Variants in SH3BP1 observed in about 807,000 individuals in gnomAD.
SH3BP1 encodes SH3 domain-binding protein 1.
A neutral mutation model predicts 69.8 loss-of-function variants in SH3BP1; 46 were observed. The observed-to-expected ratio is 0.66, with a 90% CI of 0.52 to 0.84. SH3BP1 has a LOEUF of 0.84. SH3BP1 is among the 40% of genes least tolerant of loss of function. The pLI is 0.00. For missense variants in SH3BP1, 868 were observed against 930.9 expected (o/e 0.93, Z 0.88); for synonymous variants, 403 against 378.0 (o/e 1.07, Z -0.77).
At chr22:37,642,182 C>T (rs1019428868) in intron 3 of SH3BP1, 5 of 313,028 alleles carry the variant, frequency 1.6e-5, no homozygotes, top group African/African-American at 1.1e-4. Flanking sequence ...GCCATATATA[C>T]CCTGGGACAG....
At chr22:37,652,509 G>A (rs1932900719) in intron 16 of SH3BP1, among the ~76,000 whole-genome samples, 1 of 151,824 alleles carries the variant, frequency 6.6e-6, no homozygotes, top group South Asian at 2.1e-4. Flanking sequence ...CTCAGCCTGG[G>A]CAACAGAGTG....
At position 37,639,733 on chromosome 22, in the gene SH3BP1, C is replaced by T. The variant is rs1160782619; in HGVS notation, c.-55C>T. 6 of 1,170,430 alleles carry T rather than the reference C, an allele frequency of 5.1e-6. No individual in the cohort carries two copies. Among genetic ancestry groups the T allele is most frequent in the Non-Finnish European group, 3.5e-6 (3 of 852,076 alleles). The allele number at this position is 1,170,430 out of a possible 1,614,324, so 72.5% of individuals were successfully genotyped here. ...CAGGAGAGGCAGGCTGGACCGGGGG[C>T]TCCCCGGGCCCGCGACCCCCGCCGT... is the stretch of plus-strand genomic sequence containing the variant. On this transcript the variant is annotated 5_prime_UTR_variant, in exon 1 of 18. Transcript: ENST00000649765.
At chr22:37,646,964 G>C (rs202048293) in intron 11 of SH3BP1, 35 bp downstream of exon 11, 297 of 1,395,318 alleles carry the variant, frequency 2.1e-4, no homozygotes, top group East Asian at 1.1e-3. Context: ...CAGGAGGTTG[G>C]GGGGGAGGGG....
intron 14 of SH3BP1, 82 bp from the exon 15 acceptor site, chr22:37,650,070 T>G: frequency 2.8e-6 from 4 of 1,429,188 alleles, no homozygotes; most frequent in Non-Finnish European, 4.0e-6. Flanking sequence ...TGGATCCTTG[T>G]GTCTCCATTG....
At position 37,641,165 on chromosome 22, in the gene SH3BP1, G is replaced by T. The variant is rs547798600; in HGVS notation, c.99G>T (p.Leu33=). 4 of 1,547,094 alleles carry T rather than the reference G, an allele frequency of 2.6e-6. No individual in the cohort carries two copies. The highest frequency in any genetic ancestry group is 2.0e-5 in the Admixed American group (1 of 50,862). The change falls in exon 2 of 18, where the codon CTG becomes CTT. Residue 33 remains leucine, a synonymous_variant. Transcript: ENST00000649765. ...CTGAGTTCCTGGGTGAGGACCTGCT[G>T]CAGGTACGTGCCTGGGCCGGGCAGG... The part of the protein sequence containing the change: ...ETAEFLGEDL[L]QVEQRLEPAK...
intron 10 of SH3BP1, among the ~76,000 whole-genome samples, chr22:37,646,547 C>T (rs1932788206): frequency 6.6e-6 from 1 of 152,194 alleles, no homozygotes. Flanking sequence ...TGAGCCACTG[C>T]ACCCGGCCCC....
In SH3BP1 at chr22:37,639,775, G is replaced by C; in HGVS notation, c.-13G>C. On this transcript the variant is annotated 5_prime_UTR_variant, in exon 1 of 18. Transcript: ENST00000649765. ...CCCCGCCGTGACCCCGCAGCCCCCA[G>C]CTCGCCCCCAAGATGATGAAGAGGC... 6.6e-7 allele frequency: 1 copy of C among 1,507,274 alleles called. No homozygotes were observed. Among genetic ancestry groups the C allele is most frequent in the Non-Finnish European group, 8.9e-7 (1 of 1,127,278 alleles). 93.4% of individuals were successfully genotyped at this position (1,507,274 alleles called of 1,614,324 possible). A position where few individuals can be genotyped will look rare whatever the true frequency, so the allele number is the denominator to read the frequency against.
chr22:37,645,510 G>T lies in SH3BP1; in HGVS notation c.924G>T (p.Glu308Asp), dbSNP rs1484408631. 1 of 1,605,992 alleles carries T rather than the reference G, an allele frequency of 6.2e-7. No homozygotes were observed. Among genetic ancestry groups the T allele is most frequent in the East Asian group, 2.2e-5 (1 of 44,650 alleles). Residue 308 changes from glutamate to aspartate, a missense_variant and splice_region_variant, in exon 10 of 18, where the codon GAG becomes GAT. Around this residue, in one of 3 missense-constraint regions of SH3BP1, gnomAD observed 387 missense variants for 447.9 expected, o/e 0.86. Transcript: ENST00000649765. ...TGCTTTCTGAGGGCATGAAGGAAGA[G>T]GTGGGGTCCCCTGGGGCAGGTGGGG... is the stretch of plus-strand genomic sequence containing the variant. ...MMLLSEGMKE[E>D]GLFRLAAGAS...
At position 37,646,937 on chromosome 22, in the gene SH3BP1, A is replaced by G; in HGVS notation, c.1036+8A>G. On this transcript the variant is annotated splice_region_variant and intron_variant, in intron 11 of 17. Transcript: ENST00000649765. The stretch of plus-strand genomic sequence containing the variant: ...ACCCGCACGCTGTGGCAGGTGCCTG[A>G]TCCGGGGAGCCCTGGGCAGGAGGTT... 2 of 1,512,386 alleles carry G rather than the reference A, an allele frequency of 1.3e-6. No homozygotes were observed. 93.7% of individuals were successfully genotyped at this position (1,512,386 alleles called of 1,614,324 possible). A position where few individuals can be genotyped will look rare whatever the true frequency, so the allele number is the denominator to read the frequency against.
At chr22:37,643,044 A>G (rs1932662922) in intron 5 of SH3BP1, 38 bp downstream of exon 5, 1 of 1,609,074 alleles carries the variant, frequency 6.2e-7, no homozygotes, top group African/African-American at 1.3e-5. Flanking sequence ...CAGCTTCCCC[A>G]GCTTCTGGCT....
In SH3BP1 at chr22:37,648,398, C is replaced by A; in HGVS notation, c.1279C>A (p.Leu427Met). Reference protein sequence around the residue: ...KMTPSNIAIVLGPNLLWPPEK... With the variant: ...KMTPSNIAIVMGPNLLWPPEK... ...GACACCCAGCAACATCGCCATAGTC[C>A]TGGGACCCAACTTGCTGTGGCCACC... The change falls in exon 14 of 18, where the codon CTG (leucine) becomes ATG (methionine). Residue 427 changes from leucine to methionine, a missense_variant. This residue lies in a region of SH3BP1 where 474 missense variants were observed against 462.3 expected (regional missense o/e 1.03). Coordinates refer to ENST00000649765, the MANE Select transcript of SH3BP1 (RefSeq NM_018957.6). 1 of 1,568,600 alleles carries A rather than the reference C, an allele frequency of 6.4e-7. No homozygotes were observed. The highest frequency in any genetic ancestry group is 8.6e-7 in the Non-Finnish European group (1 of 1,156,070).
Position 37,653,889 on chromosome 22 carries a change from G to A in SH3BP1, c.1693+16G>A, listed in dbSNP as rs776790599. 2 of 1,432,736 alleles carry A rather than the reference G, an allele frequency of 1.4e-6. No homozygotes were observed. Among genetic ancestry groups the A allele is most frequent in the South Asian group, 2.3e-5 (2 of 86,934 alleles). 88.8% of individuals were successfully genotyped at this position (1,432,736 alleles called of 1,614,324 possible). ...GCTCGGAGGAGTGAGTTGGCTGTGG[G>A]AGGGGAGGAGGGGACAGAGGGTGGG... On this transcript the variant is annotated intron_variant, in intron 17 of 17. Transcript: ENST00000649765.
chr22:37,644,897 C>G lies in SH3BP1; in HGVS notation c.715C>G (p.Arg239Gly), dbSNP rs755655760. ...RLLEIQADYHRRSLSSLDTAL... is the reference protein window; with the variant it reads ...RLLEIQADYHGRSLSSLDTAL... ...CCTGGAGATTCAGGCCGATTACCATCGCAGGTCACTGAGCTCGCTGGACAC... is the reference window on the plus strand; with the variant it reads ...CCTGGAGATTCAGGCCGATTACCATGGCAGGTCACTGAGCTCGCTGGACAC... The change falls in exon 9 of 18, where the codon CGC becomes GGC. Residue 239 changes from arginine (R) to glycine (G), a missense_variant. Transcript: ENST00000649765. The G allele has an allele frequency of 2.5e-6, 4 of 1,614,036 alleles. No individual in the cohort carries two copies. Among genetic ancestry groups the G allele is most frequent in the Non-Finnish European group, 3.4e-6 (4 of 1,180,022 alleles).
At chr22:37,653,665 G>C in intron 16 of SH3BP1, 114 bp from the exon 17 acceptor site, 1 of 750,260 alleles carries the variant, frequency 1.3e-6, no homozygotes, top group South Asian at 1.5e-5. Flanking sequence ...CAGAGTGATA[G>C]AGAGCGAGTG....
chr22:37,646,768 C>A (rs749985823), intron 10 of SH3BP1, 50 bp from the exon 11 acceptor site: 49 of 1,227,700 alleles, frequency 4.0e-5, no homozygotes, highest in Non-Finnish European at 5.3e-5. Context: ...CCAGGGTGTC[C>A]TGCCCTGCCC....
In SH3BP1 at chr22:37,643,744, AAGG is replaced by A. The variant is rs748259693; in HGVS notation, c.589_591del (p.Glu197del). 1.3e-5 allele frequency: 21 copies of A among 1,613,196 alleles called. No homozygotes were observed. The East Asian group carries it at 1.3e-4, about 10-fold the overall frequency. On this transcript the variant is annotated inframe_deletion, in exon 7 of 18. Transcript: ENST00000649765. ...CATGGCCAACAAGGTGGAGACGCTG[AAGG>A]AGGAGGAGGAGGAGCTGAAGAGGAA...
chr22:37,651,620 G>A (rs1179156036), intron 16 of SH3BP1, among the ~76,000 whole-genome samples: 1 of 152,106 alleles, frequency 6.6e-6, no homozygotes, highest in Non-Finnish European at 1.5e-5. Flanking sequence ...ATGAGCCACA[G>A]TGCTTGGCCA....
At chr22:37,646,747 C>A in intron 10 of SH3BP1, 71 bp from the exon 11 acceptor site, 1 of 948,316 alleles carries the variant, frequency 1.1e-6, no homozygotes, top group Non-Finnish European at 1.5e-6. Flanking sequence ...ACACCCCAGG[C>A]TACAAGTGCG....
Position 37,639,792 on chromosome 22 carries a change from T to A in SH3BP1, c.5T>A (p.Met2Lys). The change falls in exon 1 of 18, where the codon ATG becomes AAG. Residue 2 changes from methionine to lysine, a missense_variant. Around this residue, in one of 3 missense-constraint regions of SH3BP1, gnomAD observed 387 missense variants for 447.9 expected, o/e 0.86. Transcript: ENST00000649765. MMKRQLHRMRQL... is the reference protein window; with the variant it reads MKKRQLHRMRQL... ...AGCCCCCAGCTCGCCCCCAAGATGA[T>A]GAAGAGGCAGCTGCACCGCATGCGG... 6.4e-7 allele frequency: 1 copy of A among 1,551,214 alleles called. No individual in the cohort carries two copies. Among genetic ancestry groups the A allele is most frequent in the Non-Finnish European group, 8.7e-7 (1 of 1,150,726 alleles).
Sources: allele counts gnomAD v4.1 joint callset (sites outside exome capture counted in the v4.1 genomes callset), GRCh38; gene constraint gnomAD v4.1.1; regional missense constraint gnomAD v4.1.1; transcripts MANE v1.5; gene names NCBI Gene and HGNC (gene_info 2026-07-23, HGNC 2026-07-21).